Variants in CFAP100 observed in about 807,000 individuals in gnomAD.
The protein encoded by CFAP100 is cilia and flagella associated protein 100, also known as cilia- and flagella-associated protein 100.
In CFAP100, 70 loss-of-function variants were observed where a neutral mutation model predicts 81.5. The ratio of observed to expected loss-of-function variants is 0.86; its 90% CI spans 0.71 to 1.05. The LOEUF is 1.05. CFAP100 is among the 50% of genes least tolerant of loss of function. The pLI, the probability that CFAP100 is intolerant of heterozygous loss-of-function variation, is 0.00. For missense variants in CFAP100, 811 were observed against 776.5 expected, an observed-to-expected ratio of 1.04 and a Z score of -0.53; for synonymous variants, 341 against 314.8, an observed-to-expected ratio of 1.08 and a Z score of -0.88.
intron 3 of CFAP100, among the ~76,000 whole-genome samples, chr3:126,412,051 CT>C (rs543435169): frequency 2.0e-5 from 3 of 152,212 alleles, no homozygotes; most frequent in Non-Finnish European, 2.9e-5. Context: ...ACACTATGAA[CT>C]TTCCTCTTGG....
In CFAP100 at chr3:126,420,084, A is replaced by G; in HGVS notation, c.956-19A>G. The G allele has an allele frequency of 6.2e-7, 1 of 1,613,322 alleles. No homozygotes were observed. On this transcript the variant is annotated intron_variant, in intron 10 of 16. Transcript: ENST00000352312. ...CTGCCCTGCACAGGGCTCGGAAACTATTCCTCTGCTTTCTCCAGAGGGTCA... is the reference window on the plus strand; with the variant it reads ...CTGCCCTGCACAGGGCTCGGAAACTGTTCCTCTGCTTTCTCCAGAGGGTCA...
chr3:126,414,383 G>T (rs1033330923), intron 4 of CFAP100: 7 of 677,878 alleles, frequency 1.0e-5, no homozygotes, highest in Admixed American at 2.1e-5. Context: ...CCATCTTCCC[G>T]TCTGTCACCA....
chr3:126,419,955 G>T (rs1312127670), intron 9 of CFAP100, 25 bp from the exon 10 acceptor site: 2 of 1,612,390 alleles, frequency 1.2e-6, no homozygotes, highest in African/African-American at 2.7e-5. Context: ...TGAGGCCATC[G>T]GGGCCCCCCC....
intron 2 of CFAP100, among the ~76,000 whole-genome samples, chr3:126,400,862 C>G (rs552032897): frequency 6.8e-4 from 103 of 152,310 alleles, no homozygotes; most frequent in Non-Finnish European, 1.3e-3. Context: ...GAACGGAAAG[C>G]AGGAACTCAG....
intron 2 of CFAP100, among the ~76,000 whole-genome samples, chr3:126,406,588 T>C (rs931473987): frequency 6.6e-6 from 1 of 152,232 alleles, no homozygotes; most frequent in Non-Finnish European, 1.5e-5. Context: ...AGTAGTCACC[T>C]GAAGAAACAG....
intron 4 of CFAP100, 72 bp downstream of exon 4, chr3:126,414,251 T>G: frequency 2.9e-6 from 3 of 1,052,554 alleles, no homozygotes; most frequent in Non-Finnish European, 3.0e-6. Context: ...AGTGGCCACA[T>G]TGCCCTTCTC....
At chr3:126,432,543 A>G (rs1933275580) in intron 13 of CFAP100, among the ~76,000 whole-genome samples, 1 of 152,228 alleles carries the variant, frequency 6.6e-6, no homozygotes, top group African/African-American at 2.4e-5. Context: ...CACATGCTGC[A>G]ACATGGAGGG....
rs2083297442 is a variant in CFAP100, at chr3:126,419,701, C to T, written c.796C>T (p.Leu266=). ...GGTCTATAAGGATTTCCTATACAAG[C>T]TGTCGCCCAAGGAGTGGCTTGAAGA... ...YKVYKDFLYK[L]SPKEWLEEQE... Residue 266 remains leucine, a synonymous_variant, in exon 9 of 17, where the codon CTG becomes TTG. Transcript: ENST00000352312. 6.2e-7 allele frequency: 1 copy of T among 1,613,982 alleles called. No homozygotes were observed. Among genetic ancestry groups the T allele is most frequent in the Non-Finnish European group, 8.5e-7 (1 of 1,180,006 alleles).
rs1449870949 is a variant in CFAP100, at chr3:126,423,392, C to A, written c.1134+16C>A. 6.2e-7 allele frequency: 1 copy of A among 1,612,646 alleles called. No homozygotes were observed. On this transcript the variant is annotated intron_variant, in intron 12 of 16. Transcript: ENST00000352312. ...CGATGGGGAGGTGAATGGCCCAGTG[C>A]TGGGCTGGAATTCGGAAGTCGCCCC...
chr3:126,429,622 G>GTTTTTT (rs56249367), intron 13 of CFAP100, among the ~76,000 whole-genome samples: 5 of 145,666 alleles, frequency 3.4e-5, no homozygotes, highest in Admixed American at 6.8e-5. Flanking sequence ...TCTACTGTAG[G>GTTTTTT]TTTTTTTTTT....
Position 126,414,178 on chromosome 3 carries a change from C to G in CFAP100, c.224C>G (p.Ser75Cys). The G allele has an allele frequency of 6.2e-7, 1 of 1,610,474 alleles. No individual in the cohort carries two copies. Among genetic ancestry groups the G allele is most frequent in the Non-Finnish European group, 8.5e-7 (1 of 1,176,658 alleles). ...LRDQERNKAL[S>C]ERQQQKTMRV... ...GATCAGGAGCGGAATAAGGCTCTCT[C>G]CGTGAGTATCCAGGACAGACGCCAG... The change falls in exon 4 of 17, where the codon TCC becomes TGC. Residue 75 changes from serine (S) to cysteine (C), a missense_variant and splice_region_variant. Coordinates refer to ENST00000352312, the MANE Select transcript of CFAP100 (RefSeq NM_182628.3).
intron 2 of CFAP100, among the ~76,000 whole-genome samples, chr3:126,402,286 A>T (rs2082997321): frequency 6.6e-6 from 1 of 152,184 alleles, no homozygotes; most frequent in Non-Finnish European, 1.5e-5. Flanking sequence ...AGGCCAACAG[A>T]GCAGGAGATG....
intron 5 of CFAP100, 36 bp from the exon 6 acceptor site, chr3:126,418,422 T>G: frequency 6.2e-7 from 1 of 1,609,980 alleles, no homozygotes; most frequent in Non-Finnish European, 8.5e-7. Flanking sequence ...CAGCCTGGGC[T>G]TCCCGCTCCT....
intron 2 of CFAP100, among the ~76,000 whole-genome samples, chr3:126,401,485 G>C (rs868700545): frequency 2.1e-5 from 3 of 142,368 alleles, no homozygotes; most frequent in Admixed American, 7.1e-5. Context: ...CTTAAAATGT[G>C]TTAAATAAGT....
At chr3:126,416,746 C>T (rs1051805030) in intron 5 of CFAP100, 8 of 405,482 alleles carry the variant, frequency 2.0e-5, no homozygotes, top group African/African-American at 1.2e-4. Context: ...CCACCTTATC[C>T]TTGGTTTCTC....
At chr3:126,396,738 G>A (rs1381021582) in intron 2 of CFAP100, 2 of 152,240 alleles carry the variant, frequency 1.3e-5, no homozygotes, top group Admixed American at 1.3e-4. Flanking sequence ...CAAGGAGGTG[G>A]TCAGCTGGCG....
At chr3:126,396,845 C>A (rs1363791584) in intron 2 of CFAP100, among the ~76,000 whole-genome samples, 1 of 152,246 alleles carries the variant, frequency 6.6e-6, no homozygotes, top group African/African-American at 2.4e-5. Context: ...CCAGGCCTAC[C>A]TGGGGCCCTT....
chr3:126,436,207 G>A (rs1238709072), intron 16 of CFAP100, 84 bp from the exon 17 acceptor site: 8 of 1,021,540 alleles, frequency 7.8e-6, no homozygotes, highest in African/African-American at 1.6e-5. Flanking sequence ...GGAGCTGCTG[G>A]GCCTCTCCCT....
intron 6 of CFAP100, 23 bp from the exon 7 acceptor site, chr3:126,418,588 G>T: frequency 6.2e-7 from 1 of 1,612,336 alleles, no homozygotes; most frequent in Non-Finnish European, 8.5e-7. Flanking sequence ...CAGGCACCAT[G>T]ACCCCACTCT....
Sources: gnomAD v4.1 joint callset for allele counts (sites outside exome capture counted in the v4.1 genomes callset) on GRCh38, gnomAD v4.1.1 for gene constraint, MANE v1.5 for transcripts, NCBI Gene and HGNC (gene_info 2026-07-23, HGNC 2026-07-21) for gene names.